The following PHC2 variants were observed in gnomAD, a reference collection of about 807,000 sequenced individuals.
The protein encoded by PHC2 is polyhomeotic homolog 2.
PHC2 carries 29 observed loss-of-function variants against 87.4 expected under a neutral mutation model. The observed-to-expected ratio is 0.33, with a 90% confidence interval of 0.25 to 0.45. The LOEUF is 0.45. Ranked by LOEUF, PHC2 falls within the 20% of genes least tolerant of loss-of-function variation. The pLI is 1.00. For missense variants in PHC2, 857 were observed against 1,136.7 expected (o/e 0.75, Z 3.54); for synonymous variants, 438 against 461.7 (o/e 0.95, Z 0.66).
intron 7 of PHC2, chr1:33,363,700 A>G: frequency 1.0e-6 from 1 of 964,210 alleles, no homozygotes; most frequent in Non-Finnish European, 1.2e-6. Flanking sequence ...CTTTTATCAC[A>G]GCATATCCCT....
At chr1:33,347,716 T>C (rs962944939) in intron 9 of PHC2, 34 of 985,342 alleles carry the variant, frequency 3.5e-5, no homozygotes, top group Non-Finnish European at 4.1e-5. Context: ...CCTGTGTGCA[T>C]GGACGAGCCT....
At position 33,331,560 on chromosome 1, in the gene PHC2, C is replaced by A; in HGVS notation, c.1892-98G>T. 1 of 691,842 alleles carries A rather than the reference C, an allele frequency of 1.4e-6. No homozygotes were observed. The highest frequency in any genetic ancestry group is 1.7e-5 in the South Asian group (1 of 58,160). 42.9% of individuals were successfully genotyped at this position (691,842 alleles called of 1,614,324 possible). A position where few individuals can be genotyped will look rare whatever the true frequency, so the allele number is the denominator to read the frequency against. On this transcript the variant is annotated intron_variant, in intron 11 of 14. Coordinates refer to ENST00000683057, the MANE Select transcript of PHC2 (RefSeq NM_001385109.1). This position sits in a 1 kb window ranked among gnomAD's most constrained non-coding sequence, Gnocchi z 5.2. The stretch of plus-strand genomic sequence containing the variant: ...GCCTCCCTACTCCATCCTGCCTGGT[C>A]CTCCTGCTCCCACAGCTGTGACATA...
Position 33,403,423 on chromosome 1 carries a change from C to A in PHC2, c.-55+27553G>T, listed in dbSNP as rs140823966. Among the ~76,000 whole-genome samples the A allele has an allele frequency of 7.6e-4, 116 of 152,234 alleles. 1 individual carries two copies. The East Asian group carries it at 0.019, about 25-fold the overall frequency. On this transcript the variant is annotated intron_variant, in intron 1 of 14. Coordinates refer to ENST00000683057, the MANE Select transcript of PHC2 (RefSeq NM_001385109.1). ...TACAGGCGTGAGCCACTGCACCTGG[C>A]GGGAAAACTTATTACAACAGTTTAA...
chr1:33,347,310 T>C, intron 9 of PHC2: 1 of 985,290 alleles, frequency 1.0e-6, no homozygotes, highest in Non-Finnish European at 1.2e-6. Flanking sequence ...AGGCAGAGAA[T>C]GCAGAAACAA....
chr1:33,417,202 G>A (rs942556132), intron 1 of PHC2, among the ~76,000 whole-genome samples: 2 of 151,654 alleles, frequency 1.3e-5, no homozygotes, highest in Non-Finnish European at 2.9e-5. Flanking sequence ...AATCCAAAAT[G>A]AGGCCAAAAA....
rs768275888 is a variant in PHC2 at position 33,372,215 on chromosome 1, G to A, written c.333+74C>T. Reference sequence around the variant, plus strand: ...GAAGGATGTGAAGCGCAGGTGCGGTGCCTGCTTCCTCTCCCTTTTGCTTCC... The same window carrying A: ...GAAGGATGTGAAGCGCAGGTGCGGTACCTGCTTCCTCTCCCTTTTGCTTCC... On this transcript the variant is annotated intron_variant, in intron 3 of 14. Coordinates refer to ENST00000683057, the MANE Select transcript of PHC2 (RefSeq NM_001385109.1). The A allele has an allele frequency of 2.1e-6, 3 of 1,420,162 alleles. No individual in the cohort carries two copies. The Admixed American group carries it at 6.9e-5, about 33-fold the overall frequency. The allele number at this position is 1,420,162 out of a possible 1,614,324, so 88.0% of individuals were successfully genotyped here.
chr1:33,381,731 A>C (rs1648503529), intron 1 of PHC2, among the ~76,000 whole-genome samples: 1 of 151,246 alleles, frequency 6.6e-6, no homozygotes, highest in South Asian at 2.1e-4. Context: ...TTTTCAGTTG[A>C]AAACGAACTG....
At chr1:33,416,614 A>C (rs934005449) in intron 1 of PHC2, among the ~76,000 whole-genome samples, 5 of 150,894 alleles carry the variant, frequency 3.3e-5, no homozygotes, top group Admixed American at 6.6e-5. Context: ...GAATTACAGC[A>C]GATTTCTTCT....
chr1:33,376,407 T>C (rs906461245), intron 1 of PHC2, among the ~76,000 whole-genome samples: 5 of 152,200 alleles, frequency 3.3e-5, no homozygotes, highest in African/African-American at 7.2e-5. Flanking sequence ...TAGGTGAGAT[T>C]TGAGATCAGG....
intron 9 of PHC2, among the ~76,000 whole-genome samples, chr1:33,352,655 C>G (rs1201364804): frequency 6.6e-6 from 1 of 152,144 alleles, no homozygotes; most frequent in Non-Finnish European, 1.5e-5. Context: ...GACAGCAGTT[C>G]CAGGTAAGAC....
chr1:33,340,187 C>G (rs576582301), intron 9 of PHC2, among the ~76,000 whole-genome samples: 2 of 152,278 alleles, frequency 1.3e-5, no homozygotes, highest in South Asian at 4.1e-4. Context: ...AGGAGTATGA[C>G]AGAGCTAATG....
chr1:33,329,762 G>A (rs1646448964), intron 13 of PHC2, among the ~76,000 whole-genome samples: 1 of 152,186 alleles, frequency 6.6e-6, no homozygotes, highest in Non-Finnish European at 1.5e-5. Flanking sequence ...AAGGCAGGAG[G>A]TTACCTGAGC....
chr1:33,429,083 A>G (rs1383517904), intron 1 of PHC2, among the ~76,000 whole-genome samples: 1 of 152,132 alleles, frequency 6.6e-6, no homozygotes, highest in African/African-American at 2.4e-5. Flanking sequence ...TTTTTGTATG[A>G]TTTAGATTTG....
At chr1:33,326,168 G>A (rs572037161) in intron 14 of PHC2, 1 of 219,024 alleles carries the variant, frequency 4.6e-6, no homozygotes, top group East Asian at 1.2e-4. Flanking sequence ...AGTAAAATAG[G>A]AGAGAGAGAA....
At chr1:33,405,511 A>G (rs1363351051) in intron 1 of PHC2, among the ~76,000 whole-genome samples, 1 of 152,120 alleles carries the variant, frequency 6.6e-6, no homozygotes, top group Non-Finnish European at 1.5e-5. Context: ...CAGTCTTTAA[A>G]AAGAATCACC....
In PHC2 at chr1:33,349,444, G is replaced by A; in HGVS notation, c.1558+4957C>T. ...CTGGGGAGCAGGGCACCTCCCAGGC[G>A]CCGCGCGGACGAGAGCCGCGACTGG... is the stretch of plus-strand genomic sequence containing the variant. On this transcript the variant is annotated intron_variant, in intron 9 of 14. Coordinates refer to ENST00000683057, the MANE Select transcript of PHC2 (RefSeq NM_001385109.1). This position sits in a 1 kb window ranked among gnomAD's most constrained non-coding sequence, Gnocchi z 4.2. The A allele has an allele frequency of 6.1e-6, 6 of 985,248 alleles. No individual in the cohort carries two copies. The highest frequency in any genetic ancestry group is 7.2e-6 in the Non-Finnish European group (6 of 829,852). 61.0% of individuals were successfully genotyped at this position (985,248 alleles called of 1,614,324 possible).
intron 1 of PHC2, among the ~76,000 whole-genome samples, chr1:33,391,249 G>A (rs1649040087): frequency 6.6e-6 from 1 of 152,224 alleles, no homozygotes; most frequent in African/African-American, 2.4e-5. Context: ...GAATGGTGGG[G>A]AAGCAGAAGT....
rs1467860389 is a variant in PHC2 at position 33,349,511 on chromosome 1, C to G, written c.1558+4890G>C. 5 of 984,708 alleles carry G rather than the reference C, an allele frequency of 5.1e-6. No homozygotes were observed. Among genetic ancestry groups the G allele is most frequent in the Non-Finnish European group, 6.0e-6 (5 of 829,568 alleles). The allele number at this position is 984,708 out of a possible 1,614,324, so 61.0% of individuals were successfully genotyped here. A position where few individuals can be genotyped will look rare whatever the true frequency, so the allele number is the denominator to read the frequency against. On this transcript the variant is annotated intron_variant, in intron 9 of 14. Transcript: ENST00000683057. This position sits in a 1 kb window ranked among gnomAD's most constrained non-coding sequence, Gnocchi z 4.2. Reference sequence around the variant, plus strand: ...CGTAGGCCCGGGCCGTTAGGGGCACCGAGGGCGGTGCCCGACTTCCAGTGC... The same window carrying G: ...CGTAGGCCCGGGCCGTTAGGGGCACGGAGGGCGGTGCCCGACTTCCAGTGC...
intron 7 of PHC2, among the ~76,000 whole-genome samples, chr1:33,362,092 G>A (rs887690196): frequency 2.0e-5 from 3 of 152,288 alleles, no homozygotes; most frequent in East Asian, 3.9e-4. Context: ...ACCAACAGGT[G>A]GTGCAATCTT....
Sources: allele counts gnomAD v4.1 joint callset (sites outside exome capture counted in the v4.1 genomes callset), GRCh38; gene constraint gnomAD v4.1.1; non-coding constraint Gnocchi (gnomAD v3.1); transcripts MANE v1.5; gene names NCBI Gene and HGNC (gene_info 2026-07-23, HGNC 2026-07-21).